Variants in MTUS1 observed in about 807,000 individuals in gnomAD.
MTUS1 encodes the protein microtubule-associated tumor suppressor 1.
In MTUS1, 109 loss-of-function variants were observed where a neutral mutation model predicts 120.8. That is an observed-to-expected ratio of 0.90 (90% CI 0.77 to 1.06). The LOEUF is 1.06. Ranked by LOEUF, MTUS1 falls within the 50% of genes least tolerant of loss-of-function variation. MTUS1 has a pLI of 0.00. For synonymous variants in MTUS1, 737 were observed against 550.5 expected (o/e 1.34, Z -4.74); for missense variants, 2,210 against 1,486.3 (o/e 1.49, Z -8.01).
chr8:17,713,687 T>C (rs773278362), intron 5 of MTUS1, among the ~76,000 whole-genome samples: 1 of 152,000 alleles, frequency 6.6e-6, no homozygotes, highest in Non-Finnish European at 1.5e-5. Context: ...TGAAGAAAAA[T>C]AGAAGTTTTT....
chr8:17,747,711 T>C (rs758153993), intron 2 of MTUS1, among the ~76,000 whole-genome samples: 26 of 152,250 alleles, frequency 1.7e-4, no homozygotes, highest in Non-Finnish European at 3.2e-4. Context: ...ACTCACTTGG[T>C]AGGGGAGACA....
intron 4 of MTUS1, chr8:17,722,579 G>C: frequency 4.1e-6 from 4 of 985,136 alleles, no homozygotes; most frequent in Middle Eastern, 5.2e-4. Flanking sequence ...TCTCATATGA[G>C]TCCAGCTACT....
At chr8:17,668,953 A>C (rs550780223) in intron 8 of MTUS1, among the ~76,000 whole-genome samples, 1 of 152,366 alleles carries the variant, frequency 6.6e-6, no homozygotes, top group African/African-American at 2.4e-5. Context: ...GAGTATTAGC[A>C]TATTTTAAGA....
rs1040762175 is a variant in MTUS1, at chr8:17,645,356, C to T, written c.*570G>A. On this transcript the variant is annotated 3_prime_UTR_variant, in exon 15 of 15. Coordinates refer to ENST00000693296, the MANE Select transcript of MTUS1 (RefSeq NM_001363059.2). Reference sequence around the variant, plus strand: ...ATGATCATAATTCAAGCAACTATTGCTTTTTCTTCTATGGCTTTGGCTGAA... The same window carrying T: ...ATGATCATAATTCAAGCAACTATTGTTTTTTCTTCTATGGCTTTGGCTGAA... The T allele has an allele frequency of 6.5e-6, 1 of 152,722 alleles. No homozygotes were observed. The highest frequency in any genetic ancestry group is 2.4e-5 in the African/African-American group (1 of 41,444). The allele number at this position is 152,722 out of a possible 1,614,324, so 9.5% of individuals were successfully genotyped here.
intron 7 of MTUS1, among the ~76,000 whole-genome samples, chr8:17,683,152 G>C (rs1814964525): frequency 6.6e-6 from 1 of 151,994 alleles, no homozygotes; most frequent in Non-Finnish European, 1.5e-5. Context: ...GGTGCCTGCA[G>C]TCCCAGCTAC....
intron 3 of MTUS1, among the ~76,000 whole-genome samples, chr8:17,742,317 T>C (rs187039316): frequency 4.0e-4 from 55 of 139,170 alleles, no homozygotes; most frequent in African/African-American, 1.4e-3. Flanking sequence ...TTTTTAGAGA[T>C]AGTGTCTTGC....
intron 2 of MTUS1, among the ~76,000 whole-genome samples, chr8:17,748,674 G>T (rs561606834): frequency 8.5e-5 from 13 of 152,316 alleles, no homozygotes; most frequent in African/African-American, 3.1e-4. Context: ...AAAGTGGCTG[G>T]CTGGATCCTG....
chr8:17,736,804 CG>C (rs2131217047), intron 3 of MTUS1, among the ~76,000 whole-genome samples: 1 of 152,168 alleles, frequency 6.6e-6, no homozygotes, highest in South Asian at 2.1e-4. Context: ...AGGCTGGTCT[CG>C]AACTTCTGAC....
At chr8:17,794,092 C>A (rs2052020310) in intron 1 of MTUS1, among the ~76,000 whole-genome samples, 1 of 152,108 alleles carries the variant, frequency 6.6e-6, no homozygotes, top group African/African-American at 2.4e-5. Flanking sequence ...CTTTGGGAGG[C>A]CAAGGCCGGT....
intron 4 of MTUS1, among the ~76,000 whole-genome samples, chr8:17,717,900 A>G (rs1259440816): frequency 6.6e-6 from 1 of 152,228 alleles, no homozygotes; most frequent in Non-Finnish European, 1.5e-5. Context: ...CTGCAAGGAT[A>G]AAATGTCTGC....
At chr8:17,760,178 C>A (rs1306447889) in intron 1 of MTUS1, among the ~76,000 whole-genome samples, 1 of 151,530 alleles carries the variant, frequency 6.6e-6, no homozygotes, top group East Asian at 1.9e-4. Flanking sequence ...ATCATGCCAC[C>A]ACACTTCAGC....
intron 1 of MTUS1, among the ~76,000 whole-genome samples, chr8:17,779,247 G>C (rs943592188): frequency 6.6e-6 from 1 of 152,178 alleles, no homozygotes. Flanking sequence ...ATTTTGCTGT[G>C]ATAAGGATTA....
chr8:17,691,302 T>C (rs913514451), intron 6 of MTUS1: 1 of 152,250 alleles, frequency 6.6e-6, no homozygotes, highest in African/African-American at 2.4e-5. Context: ...ATCAAAATCT[T>C]ACCTATTGTG....
At chr8:17,709,958 G>C (rs1309930169) in intron 6 of MTUS1, among the ~76,000 whole-genome samples, 4 of 150,682 alleles carry the variant, frequency 2.7e-5, no homozygotes, top group African/African-American at 4.9e-5. Flanking sequence ...AGCGAGCAGA[G>C]ATCATGCCAC....
At position 17,754,199 on chromosome 8, in the gene MTUS1, T is replaced by C. The variant is rs965548625; in HGVS notation, c.1609A>G (p.Thr537Ala). 18 of 1,614,024 alleles carry C rather than the reference T, an allele frequency of 1.1e-5. No homozygotes were observed. The highest frequency in any genetic ancestry group is 1.4e-5 in the Non-Finnish European group (17 of 1,180,048). ...ACTGATGAGGGTGATGAGGCACTGG[T>C]CTGCTGAGGTCTGGGCGTGACCTTT... ...LSKVTPRPQQTSASSPSSVNS... is the reference protein window; with the variant it reads ...LSKVTPRPQQASASSPSSVNS... Residue 537 changes from threonine (T) to alanine (A), a missense_variant, in exon 2 of 15, where the codon ACC (threonine) becomes GCC (alanine). By Grantham distance (58) the Thr-to-Ala change is moderately conservative. Transcript: ENST00000693296.
rs912829976 is a variant in MTUS1, at chr8:17,787,171, G to C, written c.-155+13890C>G. 2.6e-5 allele frequency among the ~76,000 whole-genome samples: 4 copies of C among 152,134 alleles called. 1 individual carries two copies. Among genetic ancestry groups the C allele is most frequent in the Admixed American group, 2.6e-4 (4 of 15,272 alleles). On this transcript the variant is annotated intron_variant, in intron 1 of 14. Coordinates refer to ENST00000693296, the MANE Select transcript of MTUS1 (RefSeq NM_001363059.2). ...CACCCTGTCAATTCCACTGCTCCACGCCAGGCCAGCACAGTTTGTGAGGCC... is the reference window on the plus strand; with the variant it reads ...CACCCTGTCAATTCCACTGCTCCACCCCAGGCCAGCACAGTTTGTGAGGCC...
At chr8:17,681,431 G>C (rs1015408267) in intron 7 of MTUS1, 2 of 152,762 alleles carry the variant, frequency 1.3e-5, no homozygotes, top group Non-Finnish European at 1.5e-5. Flanking sequence ...CCTAGACCTA[G>C]GTTTACGTCC....
intron 1 of MTUS1, among the ~76,000 whole-genome samples, chr8:17,757,706 T>C (rs764099815): frequency 1.3e-5 from 2 of 152,116 alleles, no homozygotes; most frequent in Non-Finnish European, 2.9e-5. Flanking sequence ...TTTGTATTTT[T>C]AGTAGAGACA....
At chr8:17,682,400 C>G (rs965968586) in intron 7 of MTUS1, among the ~76,000 whole-genome samples, 2 of 151,994 alleles carry the variant, frequency 1.3e-5, no homozygotes, top group African/African-American at 4.8e-5. Flanking sequence ...TGCCTGTAAT[C>G]CCAGCTATTC....
Sources: allele counts gnomAD v4.1 joint callset (sites outside exome capture counted in the v4.1 genomes callset), GRCh38; gene constraint gnomAD v4.1.1; transcripts MANE v1.5; gene names NCBI Gene and HGNC (gene_info 2026-07-23, HGNC 2026-07-21).